Variants in STX19 observed in about 807,000 individuals in gnomAD.
The protein encoded by STX19 is syntaxin-19.
STX19 carries 26 observed loss-of-function variants against 24.3 expected under a neutral mutation model. The observed-to-expected ratio is 1.07, with a 90% CI of 0.78 to 1.48. The LOEUF is 1.48. Ranked by LOEUF, STX19 falls within the 40% of genes most tolerant of loss-of-function variation. STX19 has a pLI of 0.00. For missense variants in STX19, 367 were observed against 331.9 expected, an observed-to-expected ratio of 1.11 and a Z score of -0.82; for synonymous variants, 116 against 106.9, an observed-to-expected ratio of 1.09 and a Z score of -0.52.
At chr3:94,022,928 T>C (rs1244961471) in intron 1 of STX19, among the ~76,000 whole-genome samples, 1 of 152,012 alleles carries the variant, frequency 6.6e-6, no homozygotes, top group African/African-American at 2.4e-5. Context: ...GAATTGAACA[T>C]ATCCTCTTGA....
intron 1 of STX19, among the ~76,000 whole-genome samples, chr3:94,016,784 T>A (rs1020132539): frequency 1.3e-5 from 2 of 151,946 alleles, no homozygotes; most frequent in Non-Finnish European, 2.9e-5. Flanking sequence ...GTAGCTGGGA[T>A]TACAGGTGCC....
rs1014603058 is a variant in STX19, at chr3:94,015,198, T to G, written c.72A>C (p.Ser24=). ...CCCCTTGTTCCTCTGTTTCTGTAGT[T>G]GATACATGACTGTCTCTAGAGAGTT... ...EIELSRDSHV[S]TTETEEQGVF... Residue 24 remains serine (S), a synonymous_variant, in exon 2 of 2, where the codon TCA becomes TCC. Transcript: ENST00000315099. 3 of 1,613,154 alleles carry G rather than the reference T, an allele frequency of 1.9e-6. No individual in the cohort carries two copies. The highest frequency in any genetic ancestry group is 2.5e-6 in the Non-Finnish European group (3 of 1,179,746).
intron 1 of STX19, among the ~76,000 whole-genome samples, chr3:94,024,645 G>A (rs2076518533): frequency 6.6e-6 from 1 of 152,138 alleles, no homozygotes; most frequent in African/African-American, 2.4e-5. Context: ...GAGTATAGTG[G>A]CTCAATTGCG....
intron 1 of STX19, among the ~76,000 whole-genome samples, chr3:94,024,942 A>G (rs574497071): frequency 3.9e-5 from 6 of 152,318 alleles, no homozygotes; most frequent in South Asian, 2.1e-4. Context: ...CTAAAGCATC[A>G]TAGTTTAAAA....
At chr3:94,027,407 A>G (rs1202554932) in intron 1 of STX19, among the ~76,000 whole-genome samples, 1 of 152,088 alleles carries the variant, frequency 6.6e-6, no homozygotes, top group Non-Finnish European at 1.5e-5. Flanking sequence ...TAAATAACTT[A>G]TTGAATTAAC....
At chr3:94,016,668 A>C (rs1436043782) in intron 1 of STX19, among the ~76,000 whole-genome samples, 1 of 141,166 alleles carries the variant, frequency 7.1e-6, no homozygotes, top group African/African-American at 2.6e-5. Context: ...TTTTTTGGAG[A>C]TGGAGTCTTG....
Position 94,014,519 on chromosome 3 carries a change from C to T in STX19, c.751G>A (p.Glu251Lys), listed in dbSNP as rs140772205. 46 of 1,612,594 alleles carry T rather than the reference C, an allele frequency of 2.9e-5. No individual in the cohort carries two copies. In the African/African-American group the frequency reaches 5.9e-4, roughly 21 times the overall value. The change falls in exon 2 of 2, where the codon GAA (glutamate) becomes AAA (lysine). Residue 251 changes from glutamate (E) to lysine (K), a missense_variant. Coordinates refer to ENST00000315099, the MANE Select transcript of STX19 (RefSeq NM_001001850.3). ...EEQGESINNI[E>K]MTVNSTKEYV... ...TCTTTTGTACTATTCACTGTCATTT[C>T]AATATTGTTGATGCTCTCTCCTTGT...
At chr3:94,017,529 T>A (rs1339435497) in intron 1 of STX19, among the ~76,000 whole-genome samples, 2 of 152,196 alleles carry the variant, frequency 1.3e-5, no homozygotes, top group Non-Finnish European at 2.9e-5. Context: ...TTCCTTTGGT[T>A]TTAAAGGACT....
At chr3:94,026,904 G>C (rs1323670875) in intron 1 of STX19, among the ~76,000 whole-genome samples, 1 of 152,018 alleles carries the variant, frequency 6.6e-6, no homozygotes, top group Non-Finnish European at 1.5e-5. Context: ...TAATCAACTT[G>C]GACAACTTGT....
At position 94,015,003 on chromosome 3, in the gene STX19, C is replaced by G; in HGVS notation, c.267G>C (p.Lys89Asn). The part of the protein sequence containing the change: ...VASMRRFSLL[K>N]RESTITKEIK... ...TCTCCTTTGTAATGGTAGACTCTCT[C>G]TTAAGTAGACTAAACCTTCTCATTG... The change falls in exon 2 of 2, where the codon AAG (lysine) becomes AAC (asparagine). Residue 89 changes from lysine to asparagine, a missense_variant. Physicochemically the swap from Lys to Asn is moderately conservative, Grantham distance 94. Coordinates refer to ENST00000315099, the MANE Select transcript of STX19 (RefSeq NM_001001850.3). 3 of 1,614,006 alleles carry G rather than the reference C, an allele frequency of 1.9e-6. No individual in the cohort carries two copies. The highest frequency in any genetic ancestry group is 1.7e-6 in the Non-Finnish European group (2 of 1,179,944).
At position 94,015,154 on chromosome 3, in the gene STX19, A is replaced by T. The variant is rs762715526; in HGVS notation, c.116T>A (p.Val39Asp). 6.2e-7 allele frequency: 1 copy of T among 1,614,002 alleles called. No individual in the cohort carries two copies. ...AGCTACAGGCTCTCTTTCATAAATA[A>T]CAGCTTGCTGTAGAAACACCCCTTG... ...EEQGVFLQQA[V>D]IYEREPVAER... Residue 39 changes from valine (V) to aspartate (D), a missense_variant, in exon 2 of 2, where the codon GTT (valine) becomes GAT (aspartate). By Grantham distance (152) the Val-to-Asp change is radical. Transcript: ENST00000315099.
intron 1 of STX19, among the ~76,000 whole-genome samples, chr3:94,024,327 G>A (rs1310367538): frequency 6.6e-6 from 1 of 152,178 alleles, no homozygotes; most frequent in African/African-American, 2.4e-5. Context: ...AAAAGAAAGA[G>A]TAACAATGTT....
At chr3:94,027,261 T>A (rs1393544328) in intron 1 of STX19, among the ~76,000 whole-genome samples, 1 of 152,102 alleles carries the variant, frequency 6.6e-6, no homozygotes, top group African/African-American at 2.4e-5. Context: ...CCTCTTTGGC[T>A]ACTAAAGTGA....
chr3:94,022,021 G>C (rs2076459655), intron 1 of STX19, among the ~76,000 whole-genome samples: 1 of 152,030 alleles, frequency 6.6e-6, no homozygotes, highest in South Asian at 2.1e-4. Context: ...CTTAAAGACA[G>C]TCATAAAGGC....
intron 1 of STX19, among the ~76,000 whole-genome samples, chr3:94,024,759 A>T (rs928480676): frequency 6.6e-6 from 1 of 151,960 alleles, no homozygotes; most frequent in Middle Eastern, 3.4e-3. Flanking sequence ...CTGATTTTTT[A>T]AAATTTTTTG....
intron 1 of STX19, among the ~76,000 whole-genome samples, chr3:94,025,839 G>A (rs1230437252): frequency 6.6e-6 from 1 of 152,042 alleles, no homozygotes; most frequent in Non-Finnish European, 1.5e-5. Flanking sequence ...TACAGATTAT[G>A]TTGTATTATT....
Position 94,014,785 on chromosome 3 carries a change from C to G in STX19, c.485G>C (p.Cys162Ser). 6.2e-7 allele frequency: 1 copy of G among 1,613,940 alleles called. No homozygotes were observed. The highest frequency in any genetic ancestry group is 8.5e-7 in the Non-Finnish European group (1 of 1,179,958). ...AAGCTGACGTAAAATAAATGTCTTG[C>G]ACTTCTCTTGCTTTGCTGCTATTGT... ...NDTIAAKQEKCKTFILRQLEV... is the reference protein window; with the variant it reads ...NDTIAAKQEKSKTFILRQLEV... The change falls in exon 2 of 2, where the codon TGC (cysteine) becomes TCC (serine). Residue 162 changes from cysteine to serine, a missense_variant. Cys to Ser is a moderately radical substitution (Grantham distance 112). Transcript: ENST00000315099.
intron 1 of STX19, among the ~76,000 whole-genome samples, chr3:94,020,036 A>T (rs1220226867): frequency 1.3e-5 from 2 of 152,110 alleles, no homozygotes; most frequent in Non-Finnish European, 2.9e-5. Flanking sequence ...TCACTATTTA[A>T]CATACCATGT....
At chr3:94,017,931 G>T (rs188917784) in intron 1 of STX19, among the ~76,000 whole-genome samples, 2 of 152,220 alleles carry the variant, frequency 1.3e-5, no homozygotes, top group Admixed American at 6.5e-5. Flanking sequence ...AGGTAGGCAT[G>T]GACCACATCA....
Sources: allele counts gnomAD v4.1 joint callset (sites outside exome capture counted in the v4.1 genomes callset), GRCh38; gene constraint gnomAD v4.1.1; transcripts MANE v1.5; gene names NCBI Gene and HGNC (gene_info 2026-07-23, HGNC 2026-07-21).